Variants in BTBD9 observed in about 807,000 individuals in gnomAD.
BTBD9 encodes BTB/POZ domain-containing protein 9.
BTBD9 carries 49 observed loss-of-function variants against 64.3 expected under a neutral mutation model. That is an observed-to-expected ratio of 0.76 (90% CI 0.61 to 0.97). The LOEUF (loss-of-function observed/expected upper bound fraction) is 0.97. BTBD9 is among the 50% of genes least tolerant of loss of function. The probability of loss-of-function intolerance (pLI) is 0.00; values close to 1 mark genes in which losing one functional copy is unlikely to be tolerated. For synonymous variants in BTBD9, 260 were observed against 274.7 expected (o/e 0.95, Z 0.53); for missense variants, 598 against 762.1 (o/e 0.78, Z 2.53).
intron 6 of BTBD9, among the ~76,000 whole-genome samples, chr6:38,439,868 T>G (rs992644500): frequency 6.6e-6 from 1 of 152,146 alleles, no homozygotes; most frequent in South Asian, 2.1e-4. Context: ...TCTGGAAATA[T>G]TCTGAAGGTA....
chr6:38,499,804 G>A (rs1388409017), intron 6 of BTBD9, among the ~76,000 whole-genome samples: 1 of 152,188 alleles, frequency 6.6e-6, no homozygotes, highest in African/African-American at 2.4e-5. Flanking sequence ...TGCTGTCTTA[G>A]GACTGTGAGT....
In BTBD9 at chr6:38,173,860, A is replaced by C. The variant is rs1766890504; in HGVS notation, c.*1125T>G. On this transcript the variant is annotated 3_prime_UTR_variant, in exon 11 of 11. Transcript: ENST00000481247. Reference sequence around the variant, plus strand: ...GGCAGCACTGGAATGGAAATCACTAAGTAGGAGACGGAGCCACATCAAGCC... The same window carrying C: ...GGCAGCACTGGAATGGAAATCACTACGTAGGAGACGGAGCCACATCAAGCC... The C allele has an allele frequency of 6.6e-6, 1 of 152,276 alleles. No individual in the cohort carries two copies. Among genetic ancestry groups the C allele is most frequent in the South Asian group, 2.1e-4 (1 of 4,830 alleles). 9.4% of individuals were successfully genotyped at this position (152,276 alleles called of 1,614,324 possible).
chr6:38,504,400 A>G (rs73426901), intron 6 of BTBD9: 121,979 of 356,244 alleles, frequency 0.34, 21,810 homozygotes, highest in African/African-American at 0.47. Context: ...CACTACCCAA[A>G]CTACAAAATT....
intron 6 of BTBD9, among the ~76,000 whole-genome samples, chr6:38,401,843 G>A (rs1766939027): frequency 6.6e-6 from 1 of 152,164 alleles, no homozygotes; most frequent in Non-Finnish European, 1.5e-5. Flanking sequence ...ATAATTCATT[G>A]TAACATACAT....
chr6:38,362,422 T>G (rs1348696009), intron 6 of BTBD9, among the ~76,000 whole-genome samples: 1 of 152,242 alleles, frequency 6.6e-6, no homozygotes, highest in African/African-American at 2.4e-5. Context: ...AAATGTTTAC[T>G]AAATGAATGA....
At chr6:38,621,630 C>T (rs554771961) in intron 1 of BTBD9, among the ~76,000 whole-genome samples, 24 of 152,286 alleles carry the variant, frequency 1.6e-4, no homozygotes, top group South Asian at 1.4e-3. Context: ...ATAGCAAGTA[C>T]GCTTATCTAA....
At chr6:38,193,134 A>C (rs1176743300) in intron 9 of BTBD9, among the ~76,000 whole-genome samples, 1 of 152,292 alleles carries the variant, frequency 6.6e-6, no homozygotes, top group East Asian at 1.9e-4. Flanking sequence ...CCATCTATAA[A>C]ATGGGGCCAT....
intron 7 of BTBD9, among the ~76,000 whole-genome samples, chr6:38,326,360 G>A (rs967267319): frequency 2.0e-5 from 3 of 152,174 alleles, no homozygotes; most frequent in African/African-American, 4.8e-5. Context: ...GGCCTTGAGC[G>A]CCATGGTGAA....
chr6:38,209,064 AC>A (rs1372637815), intron 9 of BTBD9, among the ~76,000 whole-genome samples: 1 of 152,240 alleles, frequency 6.6e-6, no homozygotes, highest in Non-Finnish European at 1.5e-5. Context: ...GGGAAATTTC[AC>A]AGCAAAACAG....
chr6:38,410,157 T>C (rs570024582), intron 6 of BTBD9, among the ~76,000 whole-genome samples: 1 of 152,290 alleles, frequency 6.6e-6, no homozygotes, highest in South Asian at 2.1e-4. Flanking sequence ...ATCTATCTCT[T>C]ATATCTTAGA....
intron 6 of BTBD9, among the ~76,000 whole-genome samples, chr6:38,428,070 A>G (rs1226810820): frequency 6.6e-6 from 1 of 151,940 alleles, no homozygotes; most frequent in Non-Finnish European, 1.5e-5. Context: ...AACAAAGAGC[A>G]GCTACTCTGA....
chr6:38,382,516 C>CAAAAA (rs35186359), intron 6 of BTBD9, among the ~76,000 whole-genome samples: 6 of 60,212 alleles, frequency 1.0e-4, no homozygotes, highest in East Asian at 1.1e-3. Context: ...GACCTTGTCT[C>CAAAAA]AAAAAAAAAA....
chr6:38,234,483 C>T (rs1763714234), intron 9 of BTBD9, among the ~76,000 whole-genome samples: 2 of 152,232 alleles, frequency 1.3e-5, no homozygotes, highest in South Asian at 2.1e-4. Context: ...TTTATATATA[C>T]AGCATTCATG....
At chr6:38,191,792 G>A (rs980056873) in intron 10 of BTBD9, among the ~76,000 whole-genome samples, 1 of 152,190 alleles carries the variant, frequency 6.6e-6, no homozygotes, top group African/African-American at 2.4e-5. Context: ...TGTGGGCTGA[G>A]GCTCCAAGGT....
At chr6:38,397,791 G>A (rs1347267626) in intron 6 of BTBD9, among the ~76,000 whole-genome samples, 1 of 152,234 alleles carries the variant, frequency 6.6e-6, no homozygotes, top group Non-Finnish European at 1.5e-5. Context: ...TCACAAGACA[G>A]TGATAGATAG....
chr6:38,557,753 C>A (rs555902688), intron 6 of BTBD9, among the ~76,000 whole-genome samples: 3 of 151,856 alleles, frequency 2.0e-5, no homozygotes, highest in Non-Finnish European at 4.4e-5. Context: ...GGTCCCAGAC[C>A]AGGCACATAT....
intron 4 of BTBD9, among the ~76,000 whole-genome samples, chr6:38,581,352 T>C (rs1052434242): frequency 1.3e-5 from 2 of 152,216 alleles, no homozygotes; most frequent in Non-Finnish European, 2.9e-5. Context: ...TAGTTATATA[T>C]GAATATGCTG....
chr6:38,279,438 A>G (rs549112775), intron 8 of BTBD9, among the ~76,000 whole-genome samples: 15 of 143,160 alleles, frequency 1.0e-4, no homozygotes, highest in African/African-American at 4.0e-4. Flanking sequence ...GAATTAATTC[A>G]AGAATTAGCC....
chr6:38,454,679 TC>T (rs1769717305), intron 6 of BTBD9, among the ~76,000 whole-genome samples: 1 of 151,586 alleles, frequency 6.6e-6, no homozygotes, highest in African/African-American at 2.4e-5. Context: ...GTGCCTGTTG[TC>T]CTAGCTACTG....
Sources: allele counts gnomAD v4.1 joint callset (sites outside exome capture counted in the v4.1 genomes callset), GRCh38; gene constraint gnomAD v4.1.1; transcripts MANE v1.5; gene names NCBI Gene and HGNC (gene_info 2026-07-23, HGNC 2026-07-21).